Variants in FKBP1A observed in about 807,000 individuals in gnomAD.
The protein encoded by FKBP1A is peptidyl-prolyl cis-trans isomerase FKBP1A.
A neutral mutation model predicts 14.2 loss-of-function variants in FKBP1A; 5 were observed. The observed-to-expected ratio is 0.35, with a 90% CI of 0.18 to 0.74. The LOEUF is 0.74. FKBP1A is among the 30% of genes least tolerant of loss of function. The pLI, the probability that FKBP1A is intolerant of heterozygous loss-of-function variation, is 0.56. For synonymous variants in FKBP1A, 42 were observed against 49.1 expected (o/e 0.86, Z 0.60); for missense variants, 53 against 138.8 (o/e 0.38, Z 3.10).
rs1235779918 is a variant in FKBP1A at position 1,370,085 on chromosome 20, GA to G, written c.*37-14del. ...CTCCATGGCAGATCTGTTGGGGACA[GA>G]AAATCTGTGAGTTTCCAGCAACTCA... On this transcript the variant is annotated splice_polypyrimidine_tract_variant and intron_variant, in intron 4 of 4. Transcript: ENST00000400137. 6.5e-7 allele frequency: 1 copy of G among 1,546,694 alleles called. No individual in the cohort carries two copies. The highest frequency in any genetic ancestry group is 8.7e-7 in the Non-Finnish European group (1 of 1,146,820).
intron 2 of FKBP1A, among the ~76,000 whole-genome samples, chr20:1,385,714 T>C (rs1190887894): frequency 6.6e-6 from 1 of 152,222 alleles, no homozygotes; most frequent in Non-Finnish European, 1.5e-5. Flanking sequence ...ACTTCACCTC[T>C]GATTACTCTT....
intron 2 of FKBP1A, among the ~76,000 whole-genome samples, chr20:1,392,150 C>A (rs1277739687): frequency 1.3e-5 from 2 of 152,224 alleles, no homozygotes; most frequent in Non-Finnish European, 2.9e-5. Flanking sequence ...CTAAATTACA[C>A]GTGCAGCTTT....
At chr20:1,384,687 C>T (rs564360537) in intron 2 of FKBP1A, among the ~76,000 whole-genome samples, 2 of 152,136 alleles carry the variant, frequency 1.3e-5, no homozygotes, top group Non-Finnish European at 2.9e-5. Flanking sequence ...TCTTATTATT[C>T]CATTTCTGGG....
chr20:1,372,059 G>A lies in FKBP1A; in HGVS notation c.*36+17C>T. 6.2e-7 allele frequency: 1 copy of A among 1,609,778 alleles called. No individual in the cohort carries two copies. The highest frequency in any genetic ancestry group is 8.5e-7 in the Non-Finnish European group (1 of 1,177,836). Reference sequence around the variant, plus strand: ...AGCAAAGGCAGTGAAGGGCCCTTCAGTATTCCATTTCCTTACCCAAGAACA... The same window carrying A: ...AGCAAAGGCAGTGAAGGGCCCTTCAATATTCCATTTCCTTACCCAAGAACA... On this transcript the variant is annotated intron_variant, in intron 4 of 4. Transcript: ENST00000400137.
chr20:1,384,041 G>A lies in FKBP1A; in HGVS notation c.86-8438C>T, dbSNP rs577544418. On this transcript the variant is annotated intron_variant, in intron 2 of 4. Coordinates refer to ENST00000400137, the MANE Select transcript of FKBP1A (RefSeq NM_000801.5). ...ACCTTTTACTCAGCTGCCTTACTTG[G>A]AGACTCATAAAACTCACAGCCTTCG... 5.9e-5 allele frequency among the ~76,000 whole-genome samples: 9 copies of A among 152,124 alleles called. No homozygotes were observed. In the East Asian group the frequency reaches 1.2e-3, roughly 20 times the overall value.
intron 2 of FKBP1A, chr20:1,391,791 G>C (rs1486565800): frequency 1.0e-5 from 4 of 392,898 alleles, no homozygotes; most frequent in Non-Finnish European, 1.8e-5. Context: ...GGGGAACAGA[G>C]GAAAGGGTGG....
Position 1,386,173 on chromosome 20 carries a change from C to A in FKBP1A, c.85+6661G>T, listed in dbSNP as rs774537813. On this transcript the variant is annotated intron_variant, in intron 2 of 4. Coordinates refer to ENST00000400137, the MANE Select transcript of FKBP1A (RefSeq NM_000801.5). The surrounding 1 kb of genome is among the most constrained non-coding windows in gnomAD (Gnocchi z 4.7). Reference sequence around the variant, plus strand: ...GGCCTGTGTATATACCTGGAAGACGCTTTCCTCCTGCCTGACTGCACCATA... The same window carrying A: ...GGCCTGTGTATATACCTGGAAGACGATTTCCTCCTGCCTGACTGCACCATA... Among the ~76,000 whole-genome samples the A allele has an allele frequency of 1.3e-5, 2 of 152,208 alleles. No individual in the cohort carries two copies. Among genetic ancestry groups the A allele is most frequent in the Non-Finnish European group, 2.9e-5 (2 of 68,046 alleles).
chr20:1,391,935 C>A (rs1460817589), intron 2 of FKBP1A, among the ~76,000 whole-genome samples: 1 of 152,122 alleles, frequency 6.6e-6, no homozygotes, highest in Admixed American at 6.5e-5. Flanking sequence ...CCCCCTCCCC[C>A]GCCCCCATAC....
intron 2 of FKBP1A, among the ~76,000 whole-genome samples, chr20:1,388,879 C>T (rs1264980878): frequency 6.6e-6 from 1 of 152,182 alleles, no homozygotes; most frequent in African/African-American, 2.4e-5. Flanking sequence ...CCCTTTCACA[C>T]AATCCACTTC....
chr20:1,379,177 G>C lies in FKBP1A; in HGVS notation c.86-3574C>G, dbSNP rs937722814. Among the ~76,000 whole-genome samples, 1 of 152,184 alleles carries C rather than the reference G, an allele frequency of 6.6e-6. No individual in the cohort carries two copies. Among genetic ancestry groups the C allele is most frequent in the African/African-American group, 2.4e-5 (1 of 41,440 alleles). On this transcript the variant is annotated intron_variant, in intron 2 of 4. Coordinates refer to ENST00000400137, the MANE Select transcript of FKBP1A (RefSeq NM_000801.5). The surrounding 1 kb of genome is among the most constrained non-coding windows in gnomAD (Gnocchi z 4.3). The stretch of plus-strand genomic sequence containing the variant: ...TTTTGATTGCAGTGAAAGCCACAGG[G>C]TACTGAGACAGACTCCCTAAACTTC...
chr20:1,372,730 A>G (rs1344092673), intron 3 of FKBP1A, among the ~76,000 whole-genome samples: 1 of 152,192 alleles, frequency 6.6e-6, no homozygotes, highest in Admixed American at 6.5e-5. Flanking sequence ...TTTTACCCAT[A>G]TAGGAAAACT....
rs376816789 is a variant in FKBP1A at position 1,369,381 on chromosome 20, G to GAAAA, written c.*724_*727dup. The GAAAA allele has an allele frequency of 8.8e-5, 13 of 148,418 alleles. No individual in the cohort carries two copies. Among genetic ancestry groups the GAAAA allele is most frequent in the African/African-American group, 3.4e-4 (13 of 38,536 alleles). 9.2% of individuals were successfully genotyped at this position (148,418 alleles called of 1,614,324 possible). ...AAGTCCATTAGAAAAACCACAGGAT[G>GAAAA]AAAAAAAAAAAAGGCCACAAAGAAG... On this transcript the variant is annotated 3_prime_UTR_variant, in exon 5 of 5. Transcript: ENST00000400137.
chr20:1,385,912 C>A (rs1422014957), intron 2 of FKBP1A, among the ~76,000 whole-genome samples: 2 of 152,258 alleles, frequency 1.3e-5, no homozygotes, highest in Non-Finnish European at 2.9e-5. Flanking sequence ...GAGGCCTTTG[C>A]CAATCTATCT....
chr20:1,392,781 C>A (rs1156450070), intron 2 of FKBP1A, 53 bp downstream of exon 2: 12 of 1,394,780 alleles, frequency 8.6e-6, no homozygotes, highest in Middle Eastern at 2.5e-4. Flanking sequence ...GCCAGCCGCA[C>A]CCGGGCTGCG....
At chr20:1,384,714 C>A (rs2122697722) in intron 2 of FKBP1A, among the ~76,000 whole-genome samples, 1 of 152,058 alleles carries the variant, frequency 6.6e-6, no homozygotes, top group East Asian at 2.0e-4. Flanking sequence ...TGGCTGTATT[C>A]CAGCACAACC....
At chr20:1,382,110 T>C (rs2089623604) in intron 2 of FKBP1A, among the ~76,000 whole-genome samples, 1 of 152,184 alleles carries the variant, frequency 6.6e-6, no homozygotes, top group South Asian at 2.1e-4. Flanking sequence ...TGGCAATGAA[T>C]GAAAAGTGCT....
intron 2 of FKBP1A, among the ~76,000 whole-genome samples, chr20:1,385,514 A>G (rs1568591462): frequency 6.6e-6 from 1 of 151,766 alleles, no homozygotes; most frequent in Non-Finnish European, 1.5e-5. Flanking sequence ...TATTATTACA[A>G]CTCCCTCCCT....
chr20:1,390,228 G>T (rs1291561899), intron 2 of FKBP1A, among the ~76,000 whole-genome samples: 1 of 152,058 alleles, frequency 6.6e-6, no homozygotes, highest in Non-Finnish European at 1.5e-5. Context: ...CCTGGCAAGA[G>T]CTGACTGGAT....
At chr20:1,388,834 C>T (rs186698492) in intron 2 of FKBP1A, among the ~76,000 whole-genome samples, 4 of 152,184 alleles carry the variant, frequency 2.6e-5, no homozygotes, top group East Asian at 1.9e-4. Flanking sequence ...TAAAAACCAA[C>T]GAGGCTCCAC....
Sources: gnomAD v4.1 joint callset for allele counts (sites outside exome capture counted in the v4.1 genomes callset) on GRCh38, gnomAD v4.1.1 for gene constraint, Gnocchi (gnomAD v3.1) non-coding constraint, MANE v1.5 for transcripts, NCBI Gene and HGNC (gene_info 2026-07-23, HGNC 2026-07-21) for gene names.